The following DLGAP2 variants were observed in gnomAD, a reference collection of about 807,000 sequenced individuals.
The protein encoded by DLGAP2 is DLG associated protein 2.
In DLGAP2, 26 loss-of-function variants were observed where a neutral mutation model predicts 100.3. That is an observed-to-expected ratio of 0.26 (90% CI 0.19 to 0.36). The LOEUF (loss-of-function observed/expected upper bound fraction) is 0.36. Ranked by LOEUF, DLGAP2 falls within the 10% of genes least tolerant of loss-of-function variation. DLGAP2 has a pLI of 1.00. For missense variants in DLGAP2, 1,858 were observed against 1,453.2 expected (o/e 1.28, Z -4.53); for synonymous variants, 886 against 630.1 (o/e 1.41, Z -6.08).
At chr8:1,347,224 G>T (rs377239401) in intron 3 of DLGAP2, among the ~76,000 whole-genome samples, 1 of 150,600 alleles carries the variant, frequency 6.6e-6, no homozygotes, top group African/African-American at 2.5e-5. Context: ...ACACAGAGCT[G>T]CATTGCTCTA....
At chr8:812,923 A>G (rs2132673070) in intron 1 of DLGAP2, among the ~76,000 whole-genome samples, 1 of 152,320 alleles carries the variant, frequency 6.6e-6, no homozygotes, top group African/African-American at 2.4e-5. Context: ...GTGCTTTTGA[A>G]TACATTTATG....
At chr8:1,279,589 A>G (rs370244913) in intron 3 of DLGAP2, among the ~76,000 whole-genome samples, 5 of 152,200 alleles carry the variant, frequency 3.3e-5, no homozygotes, top group African/African-American at 1.2e-4. Flanking sequence ...GTGTCATCTC[A>G]GTGTCTGAGA....
rs57776166 is a variant in DLGAP2 at position 1,267,633 on chromosome 8, AT to A, written c.106+8751del. Among the ~76,000 whole-genome samples, 71 of 20,010 alleles carry A rather than the reference AT, an allele frequency of 3.5e-3. 10 individuals are homozygous for A. Among genetic ancestry groups the A allele is most frequent in the African/African-American group, 0.015 (68 of 4,444 alleles). The allele number at this position is 20,010 out of a possible 152,430, so 13.1% of individuals were successfully genotyped here. A position where few individuals can be genotyped will look rare whatever the true frequency, so the allele number is the denominator to read the frequency against. ...TAAGATAAGATAAGATAAATATTAA[AT>A]AGGTCTACAAAAAGGCCTCCAGGGT... On this transcript the variant is annotated intron_variant, in intron 3 of 14. Coordinates refer to ENST00000637795, the MANE Select transcript of DLGAP2 (RefSeq NM_001346810.2).
intron 2 of DLGAP2, among the ~76,000 whole-genome samples, chr8:1,182,741 A>C (rs1210481373): frequency 6.6e-6 from 1 of 152,192 alleles, no homozygotes; most frequent in Non-Finnish European, 1.5e-5. Context: ...GCTCCAGCAC[A>C]TTCTGCAGAG....
At chr8:1,244,682 A>G (rs1798867597) in intron 2 of DLGAP2, among the ~76,000 whole-genome samples, 1 of 152,230 alleles carries the variant, frequency 6.6e-6, no homozygotes, top group East Asian at 1.9e-4. Flanking sequence ...TAAAACCGCA[A>G]GGACGTGCAT....
At chr8:806,851 T>C (rs952245754) in intron 1 of DLGAP2, among the ~76,000 whole-genome samples, 1 of 152,156 alleles carries the variant, frequency 6.6e-6, no homozygotes, top group African/African-American at 2.4e-5. Context: ...GAAGAAGCAT[T>C]AAATTATCAC....
At chr8:1,523,024 G>A (rs1164346998) in intron 4 of DLGAP2, among the ~76,000 whole-genome samples, 2 of 152,330 alleles carry the variant, frequency 1.3e-5, no homozygotes, top group East Asian at 3.9e-4. Context: ...GGCAGCTGGA[G>A]ACTCACTGGT....
At chr8:1,503,474 C>G (rs550881939) in intron 4 of DLGAP2, among the ~76,000 whole-genome samples, 17 of 152,126 alleles carry the variant, frequency 1.1e-4, no homozygotes, top group Non-Finnish European at 2.2e-4. Context: ...GAAGGCTGAG[C>G]CACACTGCAC....
intron 3 of DLGAP2, among the ~76,000 whole-genome samples, chr8:1,267,694 C>A (rs192337346): frequency 2.0e-5 from 3 of 152,070 alleles, no homozygotes; most frequent in African/African-American, 4.8e-5. Flanking sequence ...GAGACGCCCA[C>A]GTCCTCCGTG....
At chr8:1,253,913 A>C (rs1563042219) in intron 2 of DLGAP2, among the ~76,000 whole-genome samples, 1 of 152,182 alleles carries the variant, frequency 6.6e-6, no homozygotes, top group East Asian at 1.9e-4. Context: ...GGGTGATTTT[A>C]AACATATGTA....
At chr8:1,245,720 A>G (rs1798888556) in intron 2 of DLGAP2, among the ~76,000 whole-genome samples, 2 of 152,190 alleles carry the variant, frequency 1.3e-5, no homozygotes, top group Non-Finnish European at 1.5e-5. Context: ...GGTGAATCAT[A>G]TGGTGTGTGA....
intron 2 of DLGAP2, among the ~76,000 whole-genome samples, chr8:1,167,790 C>G (rs533779063): frequency 2.6e-5 from 4 of 152,064 alleles, no homozygotes; most frequent in Admixed American, 2.6e-4. Context: ...CACTGAGGTA[C>G]AAAGTCAAGT....
At chr8:910,728 C>T (rs756468998) in intron 2 of DLGAP2, among the ~76,000 whole-genome samples, 21 of 152,076 alleles carry the variant, frequency 1.4e-4, no homozygotes, top group Non-Finnish European at 1.6e-4. Flanking sequence ...GAAGAGTGGA[C>T]GTCTCAGGTG....
intron 2 of DLGAP2, among the ~76,000 whole-genome samples, chr8:1,246,590 A>G (rs1585187068): frequency 1.3e-5 from 2 of 152,362 alleles, no homozygotes; most frequent in African/African-American, 4.8e-5. Context: ...TTAAGATACT[A>G]CTAGGAAATC....
intron 3 of DLGAP2, among the ~76,000 whole-genome samples, chr8:1,424,599 C>T (rs1033602176): frequency 6.6e-6 from 1 of 152,190 alleles, no homozygotes; most frequent in African/African-American, 2.4e-5. Context: ...ATTACCCTAA[C>T]ATGTGGCACT....
At chr8:1,009,815 AT>A (rs1801224799) in intron 2 of DLGAP2, among the ~76,000 whole-genome samples, 1 of 152,186 alleles carries the variant, frequency 6.6e-6, no homozygotes, top group South Asian at 2.1e-4. Context: ...GGAGGTGGTA[AT>A]TTTGCAGATT....
intron 2 of DLGAP2, among the ~76,000 whole-genome samples, chr8:965,327 A>G (rs1799829628): frequency 9.6e-6 from 1 of 104,484 alleles, no homozygotes; most frequent in Non-Finnish European, 1.9e-5. Flanking sequence ...CCTGCGCTGC[A>G]CACGGCACTG....
chr8:1,172,799 A>C (rs528134326), intron 2 of DLGAP2, among the ~76,000 whole-genome samples: 1 of 152,002 alleles, frequency 6.6e-6, no homozygotes, highest in African/African-American at 2.4e-5. Flanking sequence ...ATTTTTTTCA[A>C]AGTTTTTAAC....
At chr8:1,076,109 C>T (rs75560228) in intron 2 of DLGAP2, among the ~76,000 whole-genome samples, 4,650 of 152,132 alleles carry the variant, frequency 0.031, 229 homozygotes, top group African/African-American at 0.11. Flanking sequence ...CTAGAAAATC[C>T]ACAAGTGATT....
Sources: allele counts gnomAD v4.1 joint callset (sites outside exome capture counted in the v4.1 genomes callset), GRCh38; gene constraint gnomAD v4.1.1; transcripts MANE v1.5; gene names NCBI Gene and HGNC (gene_info 2026-07-23, HGNC 2026-07-21).